Variants in C8orf34 observed in about 807,000 individuals in gnomAD.
C8orf34 encodes the protein chromosome 8 open reading frame 34.
Under a neutral mutation model 68.3 loss-of-function variants are expected in C8orf34, and 65 were observed. The ratio of observed to expected loss-of-function variants is 0.95; its 90% CI spans 0.78 to 1.17. The LOEUF is 1.17. C8orf34 is among the 50% of genes most tolerant of loss of function. The pLI is 0.00. For missense variants in C8orf34, 664 were observed against 655.4 expected, an observed-to-expected ratio of 1.01 and a Z score of -0.14; for synonymous variants, 244 against 241.2, an observed-to-expected ratio of 1.01 and a Z score of -0.11.
At chr8:68,333,355 T>G (rs1805713812) in intron 1 of C8orf34, among the ~76,000 whole-genome samples, 1 of 152,192 alleles carries the variant, frequency 6.6e-6, no homozygotes, top group Non-Finnish European at 1.5e-5. Flanking sequence ...TGACATACAC[T>G]GGCATTAGCT....
chr8:68,751,642 T>C (rs1044381344), intron 10 of C8orf34, among the ~76,000 whole-genome samples: 1 of 152,158 alleles, frequency 6.6e-6, no homozygotes, highest in African/African-American at 2.4e-5. Context: ...TAGGATTTAT[T>C]TGAAATACAG....
At chr8:68,610,861 G>GTTTTTTTTTTT (rs60113883) in intron 7 of C8orf34, among the ~76,000 whole-genome samples, 58 of 120,438 alleles carry the variant, frequency 4.8e-4, no homozygotes, top group African/African-American at 1.8e-3. Context: ...TGAATCTTTG[G>GTTTTTTTTTTT]TTTTTTTTTT....
intron 10 of C8orf34, among the ~76,000 whole-genome samples, chr8:68,762,327 C>T (rs759572035): frequency 1.9e-4 from 29 of 151,814 alleles, no homozygotes; most frequent in Admixed American, 3.9e-4. Flanking sequence ...TGGCAGTGAC[C>T]ATAAGATGAT....
At chr8:68,711,185 A>G (rs1015896674) in intron 9 of C8orf34, among the ~76,000 whole-genome samples, 1 of 152,144 alleles carries the variant, frequency 6.6e-6, no homozygotes, top group African/African-American at 2.4e-5. Flanking sequence ...TGAATCCTAC[A>G]TCTTCCTTCT....
Position 68,544,687 on chromosome 8 carries a change from A to C in C8orf34, c.1105+11538A>C, listed in dbSNP as rs150796672. ...AAGGAGTAAATAGATGGAAAATCTC[A>C]GCAGAGAAATTGAAACTAGAAACAG... On this transcript the variant is annotated intron_variant, in intron 7 of 13. Transcript: ENST00000518698. Among the ~76,000 whole-genome samples the C allele has an allele frequency of 3.8e-3, 580 of 152,278 alleles. 6 individuals are homozygous for C. Among genetic ancestry groups the C allele is most frequent in the African/African-American group, 0.013 (561 of 41,584 alleles).
At chr8:68,577,977 T>C (rs1816955745) in intron 7 of C8orf34, among the ~76,000 whole-genome samples, 2 of 151,862 alleles carry the variant, frequency 1.3e-5, no homozygotes, top group African/African-American at 4.8e-5. Context: ...TCTGTGTACT[T>C]ATGTGTATTT....
intron 1 of C8orf34, among the ~76,000 whole-genome samples, chr8:68,385,842 C>T (rs1808236334): frequency 1.3e-5 from 2 of 152,294 alleles, no homozygotes; most frequent in Middle Eastern, 3.4e-3. Flanking sequence ...AGTGCCAGAA[C>T]ATGGCCTGTT....
chr8:68,549,427 G>A (rs1815991708), intron 7 of C8orf34, among the ~76,000 whole-genome samples: 3 of 151,634 alleles, frequency 2.0e-5, no homozygotes, highest in Admixed American at 1.3e-4. Context: ...AGAACAGGTG[G>A]GGAGTGAGGG....
At position 68,591,412 on chromosome 8, in the gene C8orf34, C is replaced by T. The variant is rs541713297; in HGVS notation, c.1106-48964C>T. 2.4e-4 allele frequency among the ~76,000 whole-genome samples: 36 copies of T among 152,184 alleles called. No homozygotes were observed. The South Asian group carries it at 7.3e-3, about 31-fold the overall frequency. On this transcript the variant is annotated intron_variant, in intron 7 of 13. Coordinates refer to ENST00000518698, the MANE Select transcript of C8orf34 (RefSeq NM_052958.4). ...TGCTGCTTTAAAGGTAACTGAGCCC[C>T]ACCTCATTAATGTTACTCATGGAAT...
Position 68,493,019 on chromosome 8 carries a change from C to T in C8orf34, c.765+4968C>T, listed in dbSNP as rs750907343. 8.5e-5 allele frequency among the ~76,000 whole-genome samples: 13 copies of T among 152,104 alleles called. 1 individual carries two copies. The highest frequency in any genetic ancestry group is 2.1e-4 in the South Asian group (1 of 4,834). On this transcript the variant is annotated intron_variant, in intron 5 of 13. Transcript: ENST00000518698. ...TGGTTTTAGTGACTATTAAAACTAA[C>T]GTTAATTTCCCATGGAAAGTAATTT...
At chr8:68,404,623 AAATAGGG>A (rs1809109335) in intron 1 of C8orf34, among the ~76,000 whole-genome samples, 1 of 152,194 alleles carries the variant, frequency 6.6e-6, no homozygotes, top group Admixed American at 6.5e-5. Context: ...ACCATTTATT[AAATAGGG>A]AATCCTTTCC....
chr8:68,798,459 C>T (rs919660097), intron 12 of C8orf34, among the ~76,000 whole-genome samples: 1 of 151,848 alleles, frequency 6.6e-6, no homozygotes, highest in African/African-American at 2.4e-5. Context: ...AGTTCTAAAG[C>T]GTCTAAAAAG....
At chr8:68,575,657 C>G (rs950601498) in intron 7 of C8orf34, among the ~76,000 whole-genome samples, 1 of 152,016 alleles carries the variant, frequency 6.6e-6, no homozygotes, top group African/African-American at 2.4e-5. Context: ...TGTTTGGAGG[C>G]TGATATCCGC....
chr8:68,762,155 T>C (rs1331078639), intron 10 of C8orf34, among the ~76,000 whole-genome samples: 1 of 152,162 alleles, frequency 6.6e-6, no homozygotes, highest in Non-Finnish European at 1.5e-5. Flanking sequence ...AAAGTAACAT[T>C]AAGTATGGAA....
At chr8:68,618,435 T>A (rs1414791191) in intron 7 of C8orf34, among the ~76,000 whole-genome samples, 3 of 152,164 alleles carry the variant, frequency 2.0e-5, no homozygotes, top group African/African-American at 4.8e-5. Flanking sequence ...CACTGAAACC[T>A]GCTTCCCAGG....
At chr8:68,785,329 C>G (rs117269909) in intron 11 of C8orf34, among the ~76,000 whole-genome samples, 1 of 152,196 alleles carries the variant, frequency 6.6e-6, no homozygotes, top group African/African-American at 2.4e-5. Flanking sequence ...ACATTATGCA[C>G]GGATCATTCC....
intron 9 of C8orf34, among the ~76,000 whole-genome samples, chr8:68,713,748 T>C (rs1821390981): frequency 6.6e-6 from 1 of 151,964 alleles, no homozygotes; most frequent in Admixed American, 6.6e-5. Flanking sequence ...ATTGGCACTA[T>C]ATCAAAAGGT....
chr8:68,455,554 C>T (rs1414333987), intron 3 of C8orf34, among the ~76,000 whole-genome samples: 1 of 151,902 alleles, frequency 6.6e-6, no homozygotes, highest in Non-Finnish European at 1.5e-5. Flanking sequence ...GGGCAGCCAC[C>T]CAGCTCTCTT....
rs1563661802 is a variant in C8orf34 at position 68,774,350 on chromosome 8, A to ATATATAT, written c.1405-2049_1405-2048insTATATAT. On this transcript the variant is annotated intron_variant, in intron 10 of 13. Transcript: ENST00000518698. ...GTGTGTGTATATATATATATATATAAAATAAACAAAAAAATAAACAGTTTA... is the reference window on the plus strand; with the variant it reads ...GTGTGTGTATATATATATATATATAATATATATAATAAACAAAAAAATAAACAGTTTA... 7.8e-3 allele frequency among the ~76,000 whole-genome samples: 857 copies of ATATATAT among 109,488 alleles called. 15 individuals are homozygous for ATATATAT. Among genetic ancestry groups the ATATATAT allele is most frequent in the African/African-American group, 0.046 (824 of 17,822 alleles). The allele number at this position is 109,488 out of a possible 152,430, so 71.8% of individuals were successfully genotyped here. A position where few individuals can be genotyped will look rare whatever the true frequency, so the allele number is the denominator to read the frequency against.
Sources: gnomAD v4.1 joint callset for allele counts (sites outside exome capture counted in the v4.1 genomes callset) on GRCh38, gnomAD v4.1.1 for gene constraint, MANE v1.5 for transcripts, NCBI Gene and HGNC (gene_info 2026-07-23, HGNC 2026-07-21) for gene names.